The following PIK3C2G variants were observed in gnomAD, a reference collection of about 807,000 sequenced individuals.
PIK3C2G encodes phosphatidylinositol-4-phosphate 3-kinase catalytic subunit type 2 gamma.
Under a neutral mutation model 181.1 loss-of-function variants are expected in PIK3C2G, and 168 were observed. The observed-to-expected ratio is 0.93, with a 90% CI of 0.82 to 1.05. PIK3C2G has a LOEUF of 1.05. Ranked by LOEUF, PIK3C2G falls within the 50% of genes least tolerant of loss-of-function variation. PIK3C2G has a pLI of 0.00. For synonymous variants in PIK3C2G, 573 were observed against 592.2 expected, an observed-to-expected ratio of 0.97 and a Z score of 0.47; for missense variants, 1,869 against 1,732.8, an observed-to-expected ratio of 1.08 and a Z score of -1.40.
intron 18 of PIK3C2G, among the ~76,000 whole-genome samples, chr12:18,486,607 G>A (rs956652493): frequency 2.1e-4 from 32 of 151,626 alleles, no homozygotes; most frequent in Admixed American, 3.3e-4. Context: ...CACGTATGTA[G>A]CAGTTGGGTA....
intron 26 of PIK3C2G, among the ~76,000 whole-genome samples, chr12:18,559,817 TATATAGAGAG>T (rs1234334396): frequency 6.3e-4 from 14 of 22,148 alleles, no homozygotes; most frequent in Non-Finnish European, 8.6e-4. Context: ...TATATATATA[TATATAGAGAG>T]AGAGAGAGAG....
intron 18 of PIK3C2G, among the ~76,000 whole-genome samples, chr12:18,464,322 T>C (rs1037109007): frequency 1.3e-5 from 2 of 152,048 alleles, no homozygotes; most frequent in African/African-American, 2.4e-5. Flanking sequence ...ATGAATCCCA[T>C]TCATGAGTTA....
chr12:18,322,186 C>T (rs1225282604), intron 7 of PIK3C2G, among the ~76,000 whole-genome samples: 3 of 152,020 alleles, frequency 2.0e-5, no homozygotes, highest in Non-Finnish European at 2.9e-5. Flanking sequence ...AGTTCAAGAC[C>T]AGCCTGGCCA....
Position 18,497,613 on chromosome 12 carries a change from T to C in PIK3C2G, c.2887-6T>C. On this transcript the variant is annotated splice_polypyrimidine_tract_variant and splice_region_variant and intron_variant, in intron 21 of 32. Transcript: ENST00000538779. The stretch of plus-strand genomic sequence containing the variant: ...AACCCAGGGTCTATAATTTTGTTTT[T>C]AACAGGCTGGAGATGATCTTCGTCA... 6.2e-7 allele frequency: 1 copy of C among 1,609,498 alleles called. No individual in the cohort carries two copies. The highest frequency in any genetic ancestry group is 8.5e-7 in the Non-Finnish European group (1 of 1,177,738).
intron 4 of PIK3C2G, 34 bp downstream of exon 4, chr12:18,291,046 T>A (rs1484609207): frequency 4.2e-6 from 6 of 1,429,182 alleles, no homozygotes; most frequent in Non-Finnish European, 5.8e-6. Flanking sequence ...TACAAATCTA[T>A]ACAAAGCTGG....
intron 14 of PIK3C2G, among the ~76,000 whole-genome samples, chr12:18,389,859 AC>A (rs1239402966): frequency 6.6e-6 from 1 of 152,170 alleles, no homozygotes; most frequent in African/African-American, 2.4e-5. Context: ...ATGCTCATCT[AC>A]CTTTCTCAGT....
At chr12:18,355,713 A>T (rs1240223420) in intron 11 of PIK3C2G, among the ~76,000 whole-genome samples, 2 of 152,162 alleles carry the variant, frequency 1.3e-5, no homozygotes, top group African/African-American at 4.8e-5. Flanking sequence ...ATGAGAAGGG[A>T]ACCACCATTC....
chr12:18,719,665 T>C, the PIK3C2G span: 2 of 1,461,216 alleles, frequency 1.4e-6, no homozygotes, highest in East Asian at 2.4e-5. Context: ...GTTAAAAGGA[T>C]GCAAAAATAC....
intron 30 of PIK3C2G, among the ~76,000 whole-genome samples, chr12:18,605,752 C>T (rs1439456537): frequency 6.6e-6 from 1 of 152,092 alleles, no homozygotes; most frequent in Non-Finnish European, 1.5e-5. Context: ...ACATATTAAG[C>T]TATTCACAAA....
intron 29 of PIK3C2G, among the ~76,000 whole-genome samples, chr12:18,578,161 G>C (rs539688286): frequency 6.6e-6 from 1 of 152,140 alleles, no homozygotes; most frequent in Non-Finnish European, 1.5e-5. Context: ...TGCACGACCA[G>C]GTCTGGGAAA....
At chr12:18,587,708 A>C (rs531349017) in intron 29 of PIK3C2G, among the ~76,000 whole-genome samples, 13 of 152,134 alleles carry the variant, frequency 8.5e-5, no homozygotes, top group African/African-American at 2.9e-4. Context: ...ACTATTTTAA[A>C]ATTCATATGA....
rs528694450 is a variant in PIK3C2G, at chr12:18,435,738, GCA to G, written c.2504+11704_2504+11705del. Among the ~76,000 whole-genome samples the G allele has an allele frequency of 3.5e-4, 53 of 152,010 alleles. No individual in the cohort carries two copies. In the South Asian group the frequency reaches 4.0e-3, roughly 11 times the overall value. ...AAATCTTTCATGCCCTGATGACTTT[GCA>G]CACAGTTTTCCAACTTCTTGAAATG... On this transcript the variant is annotated intron_variant, in intron 18 of 32. Coordinates refer to ENST00000538779, the MANE Select transcript of PIK3C2G (RefSeq NM_001288772.2).
chr12:18,497,579 T>G (rs1941116644), intron 21 of PIK3C2G, 40 bp from the exon 22 acceptor site: 1 of 1,562,626 alleles, frequency 6.4e-7, no homozygotes, highest in African/African-American at 1.4e-5. Context: ...ATTAACAAAT[T>G]CAAGGAAAAA....
chr12:18,715,432 C>T, the PIK3C2G span, among the ~76,000 whole-genome samples: 15 of 151,044 alleles, frequency 9.9e-5, no homozygotes, highest in African/African-American at 3.6e-4. Flanking sequence ...GACAGAGTCT[C>T]GCTCTGTCGC....
At chr12:18,505,581 T>C (rs1348506999) in intron 24 of PIK3C2G, 120 bp downstream of exon 24, 4 of 596,032 alleles carry the variant, frequency 6.7e-6, no homozygotes, top group Non-Finnish European at 1.1e-5. Context: ...CCCCAGGTAA[T>C]ATAAACATGA....
At chr12:18,525,624 C>T in intron 24 of PIK3C2G, among the ~76,000 whole-genome samples, 1 of 152,098 alleles carries the variant, frequency 6.6e-6, no homozygotes, top group East Asian at 1.9e-4. Flanking sequence ...TCCTTCTTCT[C>T]AATTCTGTAT....
chr12:18,626,097 GT>G (rs1949085126), intron 31 of PIK3C2G, among the ~76,000 whole-genome samples: 2 of 150,510 alleles, frequency 1.3e-5, no homozygotes, highest in Admixed American at 6.6e-5. Flanking sequence ...TAGATACTTG[GT>G]TTTTTTCTTC....
At chr12:18,573,052 A>G (rs546174962) in intron 29 of PIK3C2G, among the ~76,000 whole-genome samples, 5 of 152,256 alleles carry the variant, frequency 3.3e-5, no homozygotes, top group Admixed American at 3.3e-4. Flanking sequence ...CACTGCATGT[A>G]TGATTCTAAT....
chr12:18,391,356 A>T, intron 15 of PIK3C2G, 104 bp downstream of exon 15: 8 of 772,928 alleles, frequency 1.0e-5, no homozygotes, highest in Non-Finnish European at 1.5e-5. Context: ...TCCTTCCTAC[A>T]TAACTGGTTT....
Sources: allele counts gnomAD v4.1 joint callset (sites outside exome capture counted in the v4.1 genomes callset), GRCh38; gene constraint gnomAD v4.1.1; transcripts MANE v1.5; gene names NCBI Gene and HGNC (gene_info 2026-07-23, HGNC 2026-07-21).